ATP2B2: variants seen among roughly 807,000 people sequenced by gnomAD.
ATP2B2 encodes the protein plasma membrane calcium-transporting ATPase 2.
Under a neutral mutation model 120.0 loss-of-function variants are expected in ATP2B2, and 15 were observed. The ratio of observed to expected loss-of-function variants is 0.12; its 90% CI spans 0.08 to 0.19. ATP2B2 has a LOEUF of 0.19. Ranked by LOEUF, ATP2B2 falls within the 10% of genes least tolerant of loss-of-function variation. ATP2B2 has a pLI of 1.00. For synonymous variants in ATP2B2, 694 were observed against 700.3 expected (o/e 0.99, Z 0.14); for missense variants, 1,045 against 1,719.8 (o/e 0.61, Z 6.94).
intron 2 of ATP2B2, among the ~76,000 whole-genome samples, chr3:10,583,758 C>T (rs1248570735): frequency 6.6e-6 from 1 of 152,190 alleles, no homozygotes; most frequent in African/African-American, 2.4e-5. Context: ...TGGGTTCGGA[C>T]TGACCTGGGT....
At chr3:10,605,087 C>T (rs2069026759) in intron 2 of ATP2B2, among the ~76,000 whole-genome samples, 1 of 152,218 alleles carries the variant, frequency 6.6e-6, no homozygotes, top group African/African-American at 2.4e-5. Context: ...CCAAAGCATC[C>T]TCGTTTATTA....
At chr3:10,387,123 C>T (rs1368580929) in intron 6 of ATP2B2, among the ~76,000 whole-genome samples, 5 of 152,180 alleles carry the variant, frequency 3.3e-5, no homozygotes, top group Admixed American at 2.0e-4. Flanking sequence ...CAGATTCAAA[C>T]CCAGCATGTG....
chr3:10,444,877 C>A (rs1044688929), intron 2 of ATP2B2, among the ~76,000 whole-genome samples: 3 of 152,242 alleles, frequency 2.0e-5, no homozygotes, highest in Non-Finnish European at 4.4e-5. Flanking sequence ...ACATCCCCTG[C>A]CTCTTCTTTC....
At chr3:10,661,726 C>T (rs1284322305) in intron 1 of ATP2B2, among the ~76,000 whole-genome samples, 2 of 152,238 alleles carry the variant, frequency 1.3e-5, no homozygotes, top group Non-Finnish European at 2.9e-5. Flanking sequence ...CAATGACTTT[C>T]TTCACAGAAT....
intron 5 of ATP2B2, among the ~76,000 whole-genome samples, chr3:10,390,286 C>T (rs1280398146): frequency 6.6e-6 from 1 of 152,168 alleles, no homozygotes; most frequent in Non-Finnish European, 1.5e-5. Flanking sequence ...TGGTTTGCCT[C>T]AGATTTGAAG....
In ATP2B2 at chr3:10,343,022, C is replaced by T; in HGVS notation, c.2704-57G>A. 6.4e-7 allele frequency: 1 copy of T among 1,572,472 alleles called. No individual in the cohort carries two copies. The highest frequency in any genetic ancestry group is 8.7e-7 in the Non-Finnish European group (1 of 1,145,918). On this transcript the variant is annotated intron_variant, in intron 18 of 22. Coordinates refer to ENST00000360273, the MANE Select transcript of ATP2B2 (RefSeq NM_001001331.4). The surrounding 1 kb of genome is among the most constrained non-coding windows in gnomAD (Gnocchi z 4.2). ...TGCGCCCACCTGCTGCTGTGAAGTG[C>T]TGGGCGGGCTCATGGTGTAGTGTCC...
chr3:10,350,032 C>T, intron 16 of ATP2B2, 80 bp downstream of exon 16: 1 of 1,426,896 alleles, frequency 7.0e-7, no homozygotes, highest in Non-Finnish European at 9.8e-7. Context: ...TGGGAAGAAG[C>T]TGCAAGTGCC....
chr3:10,528,466 T>A (rs964926499), intron 3 of ATP2B2, among the ~76,000 whole-genome samples: 2 of 152,204 alleles, frequency 1.3e-5, no homozygotes, highest in Non-Finnish European at 1.5e-5. Flanking sequence ...ATGTGCCTGA[T>A]CACTTTCTCT....
At position 10,379,344 on chromosome 3, in the gene ATP2B2, C is replaced by G. The variant is rs145030483; in HGVS notation, c.1001-60G>C. On this transcript the variant is annotated intron_variant, in intron 8 of 22. Transcript: ENST00000360273. Reference sequence around the variant, plus strand: ...ACAGACAACACATGGTCGGTCATCACGAAGACGCAACAGGCCACAGACATT... The same window carrying G: ...ACAGACAACACATGGTCGGTCATCAGGAAGACGCAACAGGCCACAGACATT... 9.6e-6 allele frequency: 15 copies of G among 1,566,820 alleles called. No individual in the cohort carries two copies. The South Asian group carries it at 1.4e-4, about 15-fold the overall frequency.
At chr3:10,628,572 A>G (rs781681528) in intron 1 of ATP2B2, among the ~76,000 whole-genome samples, 7 of 152,224 alleles carry the variant, frequency 4.6e-5, no homozygotes, top group Non-Finnish European at 1.0e-4. Flanking sequence ...GCGTCCATGC[A>G]ATAGTGAAAG....
intron 1 of ATP2B2, among the ~76,000 whole-genome samples, chr3:10,685,081 T>TAC: frequency 6.6e-6 from 1 of 152,244 alleles, no homozygotes; most frequent in South Asian, 2.1e-4. Flanking sequence ...CCGATGATGT[T>TAC]CTCCTTCTCT....
intron 1 of ATP2B2, among the ~76,000 whole-genome samples, chr3:10,463,986 G>T (rs1033850214): frequency 1.3e-5 from 2 of 152,124 alleles, no homozygotes; most frequent in Non-Finnish European, 2.9e-5. Context: ...CCCCAGAGCT[G>T]CCCCACTGGC....
At chr3:10,578,823 T>C (rs1487333433) in intron 2 of ATP2B2, among the ~76,000 whole-genome samples, 2 of 152,166 alleles carry the variant, frequency 1.3e-5, no homozygotes, top group Admixed American at 1.3e-4. Context: ...GAACACACCA[T>C]GCGATTCCAT....
chr3:10,567,249 G>T (rs1313141934), intron 2 of ATP2B2, among the ~76,000 whole-genome samples: 3 of 152,228 alleles, frequency 2.0e-5, no homozygotes, highest in African/African-American at 7.2e-5. Context: ...GGGGCCACAT[G>T]TTGCAGTGAA....
chr3:10,372,435 T>C (rs2061270469), intron 11 of ATP2B2, among the ~76,000 whole-genome samples: 1 of 152,236 alleles, frequency 6.6e-6, no homozygotes, highest in South Asian at 2.1e-4. Context: ...CCTTATTTGG[T>C]CATGAATTTT....
At position 10,328,547 on chromosome 3, in the gene ATP2B2, GGAAGGGCT is replaced by G; in HGVS notation, c.*259_*266del. 6.4e-6 allele frequency: 3 copies of G among 471,302 alleles called. No homozygotes were observed. Among genetic ancestry groups the G allele is most frequent in the Non-Finnish European group, 7.6e-6 (2 of 263,658 alleles). 29.2% of individuals were successfully genotyped at this position (471,302 alleles called of 1,614,324 possible). A position where few individuals can be genotyped will look rare whatever the true frequency, so the allele number is the denominator to read the frequency against. On this transcript the variant is annotated 3_prime_UTR_variant, in exon 23 of 23. Coordinates refer to ENST00000360273, the MANE Select transcript of ATP2B2 (RefSeq NM_001001331.4). ...CTGGTCCATGTCTGGGTGGGAGCCA[GGAAGGGCT>G]TGTTTTGGGAAAACCGCTCACTCCC...
chr3:10,683,760 G>GTGTGTGTATGTATATA (rs1446781892), intron 1 of ATP2B2, among the ~76,000 whole-genome samples: 34 of 53,886 alleles, frequency 6.3e-4, no homozygotes, highest in African/African-American at 1.3e-3. Context: ...GTGTGTGTGT[G>GTGTGTGTATGTATATA]TATATATATA....
intron 1 of ATP2B2, among the ~76,000 whole-genome samples, chr3:10,678,573 G>A (rs1346558034): frequency 6.6e-6 from 1 of 152,204 alleles, no homozygotes; most frequent in African/African-American, 2.4e-5. Context: ...AGCATGGAAG[G>A]CTTGTCTGTT....
chr3:10,414,002 C>T (rs986419649), intron 2 of ATP2B2, among the ~76,000 whole-genome samples: 1 of 152,162 alleles, frequency 6.6e-6, no homozygotes, highest in South Asian at 2.1e-4. Context: ...TACAGTTTCC[C>T]CATTTCAACA....
Sources: allele counts gnomAD v4.1 joint callset (sites outside exome capture counted in the v4.1 genomes callset), GRCh38; gene constraint gnomAD v4.1.1; non-coding constraint Gnocchi (gnomAD v3.1); transcripts MANE v1.5; gene names NCBI Gene and HGNC (gene_info 2026-07-23, HGNC 2026-07-21).